The following CCDC134 variants were observed in gnomAD, a reference collection of about 807,000 sequenced individuals.
CCDC134 encodes the protein coiled-coil domain-containing protein 134.
A neutral mutation model predicts 25.6 loss-of-function variants in CCDC134; 27 were observed. The observed-to-expected ratio is 1.05, with a 90% CI of 0.78 to 1.45. The LOEUF is 1.45. CCDC134 is among the 40% of genes most tolerant of loss of function. The pLI is 0.00. For missense variants in CCDC134, 261 were observed against 286.7 expected (o/e 0.91, Z 0.65); for synonymous variants, 110 against 115.0 (o/e 0.96, Z 0.28).
chr22:41,825,673 C>T lies in CCDC134; in HGVS notation c.565-25C>T. 2 of 1,613,536 alleles carry T rather than the reference C, an allele frequency of 1.2e-6. No homozygotes were observed. Among genetic ancestry groups the T allele is most frequent in the Non-Finnish European group, 8.5e-7 (1 of 1,179,632 alleles). On this transcript the variant is annotated intron_variant, in intron 6 of 6. Coordinates refer to ENST00000255784, the MANE Select transcript of CCDC134 (RefSeq NM_024821.5). This position sits in a 1 kb window ranked among gnomAD's most constrained non-coding sequence, Gnocchi z 4.4. Reference sequence around the variant, plus strand: ...GGCTCTTTGCTGCCACAGACTAAATCAGACTGCTCTTCTCTTCCCTTCAGT... The same window carrying T: ...GGCTCTTTGCTGCCACAGACTAAATTAGACTGCTCTTCTCTTCCCTTCAGT...
intron 2 of CCDC134, among the ~76,000 whole-genome samples, chr22:41,809,284 A>C (rs927576575): frequency 5.9e-5 from 9 of 152,190 alleles, no homozygotes; most frequent in Admixed American, 5.9e-4. Flanking sequence ...ATTCTGGATT[A>C]CTGGCCCATC....
chr22:41,810,299 C>T lies in CCDC134; in HGVS notation c.310+8C>T, dbSNP rs186574723. On this transcript the variant is annotated splice_region_variant and intron_variant, in intron 4 of 6. Coordinates refer to ENST00000255784, the MANE Select transcript of CCDC134 (RefSeq NM_024821.5). Reference sequence around the variant, plus strand: ...ACGAGAAGCTGAAGGATGGTATGGTCTGCCCTGCCCCGCCCTGTCCTCCGC... The same window carrying T: ...ACGAGAAGCTGAAGGATGGTATGGTTTGCCCTGCCCCGCCCTGTCCTCCGC... The T allele has an allele frequency of 1.4e-4, 219 of 1,612,180 alleles. No homozygotes were observed. The African/African-American group carries it at 2.7e-3, about 20-fold the overall frequency.
Position 41,827,956 on chromosome 22 carries a change from GA to G in CCDC134, c.*2139del, listed in dbSNP as rs1232885713. 3.3e-5 allele frequency among the ~76,000 whole-genome samples: 5 copies of G among 152,240 alleles called. No homozygotes were observed. Among genetic ancestry groups the G allele is most frequent in the Non-Finnish European group, 7.3e-5 (5 of 68,036 alleles). On this transcript the variant is annotated 3_prime_UTR_variant, in exon 7 of 7. Coordinates refer to ENST00000255784, the MANE Select transcript of CCDC134 (RefSeq NM_024821.5). ...GTGCTTGGCTTTCCCCTTAACTGGA[GA>G]AAAAACTTTCTAAGAACCAGGCCTG... is the stretch of plus-strand genomic sequence containing the variant.
intron 6 of CCDC134, among the ~76,000 whole-genome samples, chr22:41,822,006 G>A (rs2076654746): frequency 6.6e-6 from 1 of 152,172 alleles, no homozygotes; most frequent in Non-Finnish European, 1.5e-5. Context: ...ACCAGGGAAT[G>A]AGGCTGGATT....
intron 6 of CCDC134, among the ~76,000 whole-genome samples, chr22:41,822,225 T>C (rs977856310): frequency 1.4e-4 from 22 of 152,026 alleles, no homozygotes; most frequent in Non-Finnish European, 2.9e-5. Context: ...CTTAGGAGTT[T>C]GGGGCTCTAT....
Position 41,825,949 on chromosome 22 carries a change from G to A in CCDC134, c.*126G>A. ...CAGAAGGGGAGGCCACATTTGCCCG[G>A]CCCCCTGGAGCTGGGTCTGAGCCCC... On this transcript the variant is annotated 3_prime_UTR_variant, in exon 7 of 7. Transcript: ENST00000255784. This position sits in a 1 kb window ranked among gnomAD's most constrained non-coding sequence, Gnocchi z 4.4. 1 of 1,341,690 alleles carries A rather than the reference G, an allele frequency of 7.5e-7. No individual in the cohort carries two copies. Among genetic ancestry groups the A allele is most frequent in the Non-Finnish European group, 1.0e-6 (1 of 977,118 alleles). 83.1% of individuals were successfully genotyped at this position (1,341,690 alleles called of 1,614,324 possible).
intron 6 of CCDC134, among the ~76,000 whole-genome samples, chr22:41,821,503 C>T (rs1448625785): frequency 1.3e-5 from 2 of 150,402 alleles, no homozygotes; most frequent in Non-Finnish European, 3.0e-5. Context: ...GTGATGTTCC[C>T]CTTCCTGTGT....
chr22:41,813,921 T>C, intron 6 of CCDC134, 99 bp downstream of exon 6: 1 of 1,054,116 alleles, frequency 9.5e-7, no homozygotes, highest in Non-Finnish European at 1.5e-6. Context: ...GCTTTGGACT[T>C]GGAGCCAGGC....
intron 6 of CCDC134, among the ~76,000 whole-genome samples, chr22:41,823,696 C>G (rs1417495547): frequency 1.3e-5 from 2 of 152,196 alleles, no homozygotes; most frequent in Non-Finnish European, 2.9e-5. Context: ...AGGGAGGAAC[C>G]AACCCTGGAC....
At chr22:41,811,421 G>C (rs11704230) in intron 4 of CCDC134, among the ~76,000 whole-genome samples, 3,362 of 152,204 alleles carry the variant, frequency 0.022, 74 homozygotes, top group Admixed American at 0.069. Context: ...TGCTTGTACA[G>C]AAACTATTCT....
At chr22:41,824,190 G>A (rs1331198681) in intron 6 of CCDC134, among the ~76,000 whole-genome samples, 1 of 152,164 alleles carries the variant, frequency 6.6e-6, no homozygotes, top group African/African-American at 2.4e-5. Flanking sequence ...AGCCCCTCAG[G>A]GAGTCAGGGC....
chr22:41,821,584 G>T (rs1157142182), intron 6 of CCDC134, among the ~76,000 whole-genome samples: 2 of 151,410 alleles, frequency 1.3e-5, no homozygotes, highest in Non-Finnish European at 2.9e-5. Flanking sequence ...TGTCCTTAAT[G>T]GGAGAATAGC....
chr22:41,831,189 C>G lies in CCDC134; in HGVS notation c.*5366C>G, dbSNP rs372086296. ...GCGTGAGCCACCTTGCCCGGACTCTCTTTGTATTTTTTCTTTCTTTTTTTT... is the reference window on the plus strand; with the variant it reads ...GCGTGAGCCACCTTGCCCGGACTCTGTTTGTATTTTTTCTTTCTTTTTTTT... On this transcript the variant is annotated 3_prime_UTR_variant, in exon 7 of 7. Coordinates refer to ENST00000255784, the MANE Select transcript of CCDC134 (RefSeq NM_024821.5). 1 of 151,778 alleles carries G rather than the reference C, an allele frequency of 6.6e-6. No individual in the cohort carries two copies. Among genetic ancestry groups the G allele is most frequent in the Non-Finnish European group, 1.5e-5 (1 of 68,000 alleles). 9.4% of individuals were successfully genotyped at this position (151,778 alleles called of 1,614,324 possible).
intron 4 of CCDC134, 145 bp downstream of exon 4, chr22:41,810,436 C>T (rs573346956): frequency 8.6e-6 from 4 of 464,576 alleles, no homozygotes; most frequent in Admixed American, 3.5e-5. Flanking sequence ...GGCAGATGGG[C>T]GTTTCGTGAG....
intron 6 of CCDC134, among the ~76,000 whole-genome samples, chr22:41,818,733 A>G (rs1456066798): frequency 6.6e-6 from 1 of 152,242 alleles, no homozygotes; most frequent in Non-Finnish European, 1.5e-5. Flanking sequence ...CCAAGGTTGC[A>G]TGCTGCAATC....
rs933692934 is a variant in CCDC134, at chr22:41,829,695, C to T, written c.*3872C>T. Among the ~76,000 whole-genome samples the T allele has an allele frequency of 6.6e-6, 1 of 152,188 alleles. No homozygotes were observed. The highest frequency in any genetic ancestry group is 1.9e-4 in the East Asian group (1 of 5,192). ...ATATACAAAATTATCTTCTGTGACC[C>T]GTAGCACATGCCCAATCCATGGTAG... is the stretch of plus-strand genomic sequence containing the variant. On this transcript the variant is annotated 3_prime_UTR_variant, in exon 7 of 7. Transcript: ENST00000255784.
At chr22:41,806,321 C>A (rs189383977) in intron 1 of CCDC134, among the ~76,000 whole-genome samples, 1 of 149,792 alleles carries the variant, frequency 6.7e-6, no homozygotes, top group Non-Finnish European at 1.5e-5. Flanking sequence ...TGGGTACAAG[C>A]GATTCTCCTG....
chr22:41,819,995 ATATAAT>A (rs2076642319), intron 6 of CCDC134, among the ~76,000 whole-genome samples: 2 of 132,958 alleles, frequency 1.5e-5, no homozygotes, highest in African/African-American at 6.0e-5. Context: ...ATATATATAT[ATATAAT>A]TTTTTTTTTT....
At chr22:41,807,547 G>A (rs1232926379) in intron 1 of CCDC134, among the ~76,000 whole-genome samples, 1 of 140,032 alleles carries the variant, frequency 7.1e-6, no homozygotes, top group African/African-American at 2.8e-5. Context: ...GGGCAGCAGA[G>A]CAGGACCCTG....
Sources: allele counts gnomAD v4.1 joint callset (sites outside exome capture counted in the v4.1 genomes callset), GRCh38; gene constraint gnomAD v4.1.1; non-coding constraint Gnocchi (gnomAD v3.1); transcripts MANE v1.5; gene names NCBI Gene and HGNC (gene_info 2026-07-23, HGNC 2026-07-21).